NCEH1: variants seen among roughly 807,000 people sequenced by gnomAD.
NCEH1 encodes the protein 2-acetyl MAGE hydrolase.
NCEH1 carries 9 observed loss-of-function variants against 25.4 expected under a neutral mutation model. The ratio of observed to expected loss-of-function variants is 0.35; its 90% CI spans 0.21 to 0.62. NCEH1 has a LOEUF of 0.62. Among genes scored for constraint, NCEH1 ranks in the 20% least tolerant of loss-of-function variants. The pLI, the probability that NCEH1 is intolerant of heterozygous loss-of-function variation, is 0.72. For missense variants in NCEH1, 412 were observed against 501.1 expected (o/e 0.82, Z 1.70); for synonymous variants, 200 against 199.8 (o/e 1.00, Z -0.01).
At position 172,711,054 on chromosome 3, in the gene NCEH1, A is replaced by C; in HGVS notation, c.-70T>G. The stretch of plus-strand genomic sequence containing the variant: ...GCGATACCACCCGGAGACCTCCGGC[A>C]ACTTTCTGCCCGCGGCAGCTGCTCA... On this transcript the variant is annotated 5_prime_UTR_variant, in exon 1 of 5. Coordinates refer to ENST00000475381, the MANE Select transcript of NCEH1 (RefSeq NM_020792.6). The C allele has an allele frequency of 6.2e-7, 1 of 1,609,798 alleles. No homozygotes were observed. Among genetic ancestry groups the C allele is most frequent in the Non-Finnish European group, 8.5e-7 (1 of 1,176,846 alleles).
In NCEH1 at chr3:172,631,736, C is replaced by G. The variant is rs1716363507; in HGVS notation, c.*1739G>C. On this transcript the variant is annotated 3_prime_UTR_variant, in exon 5 of 5. Transcript: ENST00000475381. ...ATACAATACATCAATAAGTATGCAA[C>G]TTTTCATTTGTTATTTCGTTGCTGG... The G allele has an allele frequency of 6.6e-6, 1 of 152,494 alleles. No homozygotes were observed. Among genetic ancestry groups the G allele is most frequent in the African/African-American group, 2.4e-5 (1 of 41,426 alleles). The allele number at this position is 152,494 out of a possible 1,614,324, so 9.4% of individuals were successfully genotyped here. A position where few individuals can be genotyped will look rare whatever the true frequency, so the allele number is the denominator to read the frequency against.
chr3:172,632,485 T>A lies in NCEH1; in HGVS notation c.*990A>T, dbSNP rs1029925693. The stretch of plus-strand genomic sequence containing the variant: ...GCAAAATAGCTCCATTTTAAAGCCA[T>A]ATAAGTGAAAAAATTGAGTTTTCAA... On this transcript the variant is annotated 3_prime_UTR_variant, in exon 5 of 5. Coordinates refer to ENST00000475381, the MANE Select transcript of NCEH1 (RefSeq NM_020792.6). The A allele has an allele frequency of 6.6e-6, 1 of 152,580 alleles. No individual in the cohort carries two copies. Among genetic ancestry groups the A allele is most frequent in the South Asian group, 2.1e-4 (1 of 4,832 alleles). 9.5% of individuals were successfully genotyped at this position (152,580 alleles called of 1,614,324 possible).
intron 1 of NCEH1, among the ~76,000 whole-genome samples, chr3:172,687,268 C>T (rs1294094371): frequency 2.0e-5 from 3 of 152,122 alleles, no homozygotes; most frequent in Non-Finnish European, 4.4e-5. Context: ...CAATCTGAAC[C>T]TTTGTAATAC....
intron 1 of NCEH1, among the ~76,000 whole-genome samples, chr3:172,701,344 T>C (rs993084395): frequency 4.6e-5 from 7 of 151,870 alleles, no homozygotes; most frequent in African/African-American, 1.7e-4. Flanking sequence ...CGATGCTCCA[T>C]ACTCTCCCCT....
chr3:172,648,122 G>A lies in NCEH1; in HGVS notation c.139-8C>T, dbSNP rs1717208448. The A allele has an allele frequency of 1.9e-6, 3 of 1,613,796 alleles. No homozygotes were observed. Among genetic ancestry groups the A allele is most frequent in the East Asian group, 4.5e-5 (2 of 44,874 alleles). On this transcript the variant is annotated splice_polypyrimidine_tract_variant and splice_region_variant and intron_variant, in intron 1 of 4. Coordinates refer to ENST00000475381, the MANE Select transcript of NCEH1 (RefSeq NM_020792.6). ...GTAGTGGATCAGGTTACTCTGCAGGGCGAGGGAGGAAATAAAGAGGGAGGG... is the reference window on the plus strand; with the variant it reads ...GTAGTGGATCAGGTTACTCTGCAGGACGAGGGAGGAAATAAAGAGGGAGGG...
chr3:172,669,168 T>G (rs1718366649), intron 1 of NCEH1, among the ~76,000 whole-genome samples: 1 of 152,194 alleles, frequency 6.6e-6, no homozygotes, highest in Non-Finnish European at 1.5e-5. Context: ...TGATTCAACT[T>G]CTCATTTTGT....
intron 1 of NCEH1, among the ~76,000 whole-genome samples, chr3:172,658,062 G>A (rs1272894474): frequency 6.6e-6 from 1 of 152,168 alleles, no homozygotes; most frequent in Non-Finnish European, 1.5e-5. Flanking sequence ...GAGACAGGAG[G>A]TCAGCACAAA....
intron 1 of NCEH1, among the ~76,000 whole-genome samples, chr3:172,679,012 A>T (rs1173073760): frequency 1.3e-5 from 2 of 152,212 alleles, no homozygotes; most frequent in Non-Finnish European, 2.9e-5. Context: ...TGACGCATCC[A>T]CCCTACTGCT....
At chr3:172,658,132 C>T (rs992482732) in intron 1 of NCEH1, among the ~76,000 whole-genome samples, 1 of 152,120 alleles carries the variant, frequency 6.6e-6, no homozygotes, top group Non-Finnish European at 1.5e-5. Flanking sequence ...CGGATAAAAC[C>T]CATCAAAACC....
At chr3:172,666,021 C>T (rs1264974951) in intron 1 of NCEH1, among the ~76,000 whole-genome samples, 2 of 152,204 alleles carry the variant, frequency 1.3e-5, no homozygotes, top group Non-Finnish European at 2.9e-5. Flanking sequence ...GAGATGAACC[C>T]AGTGCCTCAG....
chr3:172,687,341 C>T (rs1362897907), intron 1 of NCEH1, among the ~76,000 whole-genome samples: 1 of 152,150 alleles, frequency 6.6e-6, no homozygotes, highest in East Asian at 1.9e-4. Flanking sequence ...TGAAAATCAC[C>T]CATGTACTGA....
intron 1 of NCEH1, among the ~76,000 whole-genome samples, chr3:172,701,849 G>C (rs1409899806): frequency 1.3e-5 from 2 of 152,064 alleles, no homozygotes; most frequent in Non-Finnish European, 2.9e-5. Context: ...TGACTTCTCT[G>C]CTAGAAGACT....
intron 1 of NCEH1, among the ~76,000 whole-genome samples, chr3:172,693,232 T>C (rs1713165460): frequency 6.6e-6 from 1 of 151,802 alleles, no homozygotes; most frequent in Non-Finnish European, 1.5e-5. Context: ...TAAAAATGAA[T>C]AATGCATCAT....
At chr3:172,650,880 G>C (rs1717371662) in intron 1 of NCEH1, among the ~76,000 whole-genome samples, 1 of 150,904 alleles carries the variant, frequency 6.6e-6, no homozygotes, top group East Asian at 1.9e-4. Flanking sequence ...AATATGAAAG[G>C]GTAGGTAGAT....
chr3:172,710,991 C>T lies in NCEH1; in HGVS notation c.-7G>A. 1 of 1,613,960 alleles carries T rather than the reference C, an allele frequency of 6.2e-7. No individual in the cohort carries two copies. Among genetic ancestry groups the T allele is most frequent in the Non-Finnish European group, 8.5e-7 (1 of 1,179,984 alleles). On this transcript the variant is annotated 5_prime_UTR_variant, in exon 1 of 5. Transcript: ENST00000475381. The stretch of plus-strand genomic sequence containing the variant: ...GGACACAGGACGACCTCATCTTGCC[C>T]TGGCTCGGCTCGCCAGCGGGCTGGC...
intron 1 of NCEH1, among the ~76,000 whole-genome samples, chr3:172,676,348 CCTT>C (rs1711995804): frequency 6.6e-6 from 1 of 152,144 alleles, no homozygotes; most frequent in Non-Finnish European, 1.5e-5. Flanking sequence ...GCGACTCCTG[CCTT>C]CTTCTTGTCA....
intron 1 of NCEH1, among the ~76,000 whole-genome samples, chr3:172,704,680 G>A (rs1275329612): frequency 6.6e-6 from 1 of 152,178 alleles, no homozygotes; most frequent in Non-Finnish European, 1.5e-5. Flanking sequence ...TCTTAGATTA[G>A]GCAGGCAATA....
chr3:172,660,472 A>T (rs1229657488), intron 1 of NCEH1, among the ~76,000 whole-genome samples: 1 of 152,108 alleles, frequency 6.6e-6, no homozygotes, highest in African/African-American at 2.4e-5. Context: ...ATGATTTATA[A>T]TCCTTTGGGT....
intron 1 of NCEH1, among the ~76,000 whole-genome samples, chr3:172,671,594 T>G (rs557309004): frequency 6.6e-6 from 1 of 152,222 alleles, no homozygotes; most frequent in African/African-American, 2.4e-5. Flanking sequence ...CATGTGTGTA[T>G]ATATATTTAC....
Sources: allele counts gnomAD v4.1 joint callset (sites outside exome capture counted in the v4.1 genomes callset), GRCh38; gene constraint gnomAD v4.1.1; transcripts MANE v1.5; gene names NCBI Gene and HGNC (gene_info 2026-07-23, HGNC 2026-07-21).